The following GALNTL6 variants were observed in gnomAD, a reference collection of about 807,000 sequenced individuals.
GALNTL6 encodes polypeptide N-acetylgalactosaminyltransferase like 6.
GALNTL6 carries 46 observed loss-of-function variants against 73.7 expected under a neutral mutation model. That is an observed-to-expected ratio of 0.62 (90% CI 0.49 to 0.80). GALNTL6 has a LOEUF of 0.80. Among genes scored for constraint, GALNTL6 ranks in the 30% least tolerant of loss-of-function variants. The probability of loss-of-function intolerance (pLI) is 0.00; values close to 1 mark genes in which losing one functional copy is unlikely to be tolerated. For synonymous variants in GALNTL6, 259 were observed against 263.7 expected, an observed-to-expected ratio of 0.98 and a Z score of 0.17; for missense variants, 604 against 755.0, an observed-to-expected ratio of 0.80 and a Z score of 2.34.
intron 4 of GALNTL6, among the ~76,000 whole-genome samples, chr4:172,312,370 AC>A (rs55708259): frequency 0.022 from 3,354 of 151,918 alleles, 53 homozygotes; most frequent in East Asian, 0.033. Flanking sequence ...TTCTCTATCC[AC>A]CCCCATCTAC....
intron 4 of GALNTL6, among the ~76,000 whole-genome samples, chr4:172,335,615 A>C (rs1445381853): frequency 6.6e-6 from 1 of 152,152 alleles, no homozygotes; most frequent in East Asian, 1.9e-4. Context: ...GCTGAATTCA[A>C]ATTTGGAACT....
intron 5 of GALNTL6, among the ~76,000 whole-genome samples, chr4:172,555,629 G>A (rs902734913): frequency 2.0e-5 from 3 of 151,900 alleles, no homozygotes; most frequent in African/African-American, 7.2e-5. Flanking sequence ...ATTACAAATA[G>A]AGTAAGTTTG....
intron 11 of GALNTL6, among the ~76,000 whole-genome samples, chr4:173,014,046 C>CAA (rs11388681): frequency 0.14 from 19,767 of 144,212 alleles, 1,613 homozygotes; most frequent in Non-Finnish European, 0.21. Context: ...CGTTTTTTTC[C>CAA]AAAAAAAAAA....
intron 7 of GALNTL6, among the ~76,000 whole-genome samples, chr4:172,814,614 T>C (rs570714916): frequency 1.3e-5 from 2 of 152,244 alleles, no homozygotes; most frequent in African/African-American, 4.8e-5. Flanking sequence ...ACACTCTGAG[T>C]CCATTTAAAA....
chr4:171,955,688 T>A lies in GALNTL6; in HGVS notation c.138+140970T>A, dbSNP rs771143156. ...ATGTTTAGTACAGATGCAAATTTTT[T>A]AAAATATATTTTTATCAATAATAGG... On this transcript the variant is annotated intron_variant, in intron 2 of 12. Coordinates refer to ENST00000506823, the MANE Select transcript of GALNTL6 (RefSeq NM_001034845.3). Among the ~76,000 whole-genome samples the A allele has an allele frequency of 2.4e-4, 36 of 152,222 alleles. 1 individual carries two copies. In the Middle Eastern group the frequency reaches 0.014, roughly 58 times the overall value.
At chr4:172,462,701 C>A (rs1732661806) in intron 5 of GALNTL6, among the ~76,000 whole-genome samples, 1 of 152,132 alleles carries the variant, frequency 6.6e-6, no homozygotes, top group Non-Finnish European at 1.5e-5. Context: ...TAATATATTA[C>A]TAAAGCTTTG....
At chr4:172,949,310 T>C (rs541336417) in intron 9 of GALNTL6, among the ~76,000 whole-genome samples, 1 of 152,306 alleles carries the variant, frequency 6.6e-6, no homozygotes, top group East Asian at 1.9e-4. Flanking sequence ...TGCTTACTTA[T>C]CCAAGTCAAA....
chr4:172,339,370 A>G (rs2111197756), intron 4 of GALNTL6, among the ~76,000 whole-genome samples: 1 of 151,478 alleles, frequency 6.6e-6, no homozygotes, highest in South Asian at 2.1e-4. Flanking sequence ...TCATGGCTAC[A>G]GTAGTTCTTC....
intron 5 of GALNTL6, among the ~76,000 whole-genome samples, chr4:172,698,781 A>G (rs1270256982): frequency 3.9e-5 from 6 of 152,144 alleles, no homozygotes; most frequent in Non-Finnish European, 7.4e-5. Context: ...GAGGTGAGAT[A>G]TATAGGACAA....
At chr4:171,955,117 G>C (rs1278248277) in intron 2 of GALNTL6, among the ~76,000 whole-genome samples, 1 of 152,100 alleles carries the variant, frequency 6.6e-6, no homozygotes, top group Non-Finnish European at 1.5e-5. Flanking sequence ...AAAGTAAATT[G>C]ACAGTCAATG....
chr4:172,208,791 G>T lies in GALNTL6; in HGVS notation c.139-20865G>T, dbSNP rs542423071. 2.0e-5 allele frequency among the ~76,000 whole-genome samples: 3 copies of T among 152,230 alleles called. No homozygotes were observed. The East Asian group carries it at 5.8e-4, about 29-fold the overall frequency. ...CTGAACATTACAAGTGAGGATGGTT[G>T]TTAACCTGCCGAGCCTAATAAGAGT... On this transcript the variant is annotated intron_variant, in intron 2 of 12. Coordinates refer to ENST00000506823, the MANE Select transcript of GALNTL6 (RefSeq NM_001034845.3).
rs150220838 is a variant in GALNTL6, at chr4:172,122,825, A to C, written c.139-106831A>C. Among the ~76,000 whole-genome samples the C allele has an allele frequency of 1.4e-3, 212 of 152,224 alleles. 2 individuals are homozygous for C. Among genetic ancestry groups the C allele is most frequent in the African/African-American group, 4.9e-3 (205 of 41,520 alleles). On this transcript the variant is annotated intron_variant, in intron 2 of 12. Transcript: ENST00000506823. ...TTCTAAGATCTCTTTCCTGGGGGGA[A>C]CCCTTACCTGCTCATGTCTGGCTAT...
At chr4:172,708,770 T>C (rs1211660374) in intron 5 of GALNTL6, among the ~76,000 whole-genome samples, 1 of 152,188 alleles carries the variant, frequency 6.6e-6, no homozygotes, top group Non-Finnish European at 1.5e-5. Context: ...CATATCATAA[T>C]TGTATATCTT....
intron 5 of GALNTL6, among the ~76,000 whole-genome samples, chr4:172,599,924 A>C (rs1476499238): frequency 6.6e-6 from 1 of 152,154 alleles, no homozygotes; most frequent in Non-Finnish European, 1.5e-5. Context: ...CAACAGCAAA[A>C]AAGACAATCT....
chr4:172,049,281 G>C lies in GALNTL6; in HGVS notation c.139-180375G>C, dbSNP rs76725335. Among the ~76,000 whole-genome samples, 1,000 of 152,122 alleles carry C rather than the reference G, an allele frequency of 6.6e-3. 9 individuals carry two copies. The highest frequency in any genetic ancestry group is 0.023 in the African/African-American group (942 of 41,516). ...CAAGAAGTAAACTTCAGTTAACTTTGTTCTCCTTATTAGAAACTTTCCCTG... is the reference window on the plus strand; with the variant it reads ...CAAGAAGTAAACTTCAGTTAACTTTCTTCTCCTTATTAGAAACTTTCCCTG... On this transcript the variant is annotated intron_variant, in intron 2 of 12. Transcript: ENST00000506823.
intron 2 of GALNTL6, among the ~76,000 whole-genome samples, chr4:172,000,059 G>A (rs1223525958): frequency 6.6e-6 from 1 of 152,116 alleles, no homozygotes; most frequent in African/African-American, 2.4e-5. Context: ...CATATACGGA[G>A]TATGAGTGTT....
intron 5 of GALNTL6, among the ~76,000 whole-genome samples, chr4:172,751,093 T>C (rs1724597710): frequency 6.6e-6 from 1 of 152,220 alleles, no homozygotes; most frequent in South Asian, 2.1e-4. Context: ...TTGAGGCATA[T>C]GTGGTTTGTG....
intron 5 of GALNTL6, among the ~76,000 whole-genome samples, chr4:172,394,399 G>A (rs1455325942): frequency 5.4e-5 from 8 of 149,488 alleles, no homozygotes; most frequent in Non-Finnish European, 1.0e-4. Flanking sequence ...GAAATTAGCA[G>A]TAGTCTTGCA....
At chr4:172,500,315 A>C (rs1734217307) in intron 5 of GALNTL6, among the ~76,000 whole-genome samples, 1 of 152,114 alleles carries the variant, frequency 6.6e-6, no homozygotes, top group Non-Finnish European at 1.5e-5. Flanking sequence ...CAGCTACTCC[A>C]AAGGCTGAGA....
Sources: allele counts gnomAD v4.1 joint callset (sites outside exome capture counted in the v4.1 genomes callset), GRCh38; gene constraint gnomAD v4.1.1; transcripts MANE v1.5; gene names NCBI Gene and HGNC (gene_info 2026-07-23, HGNC 2026-07-21).